RAB2A: variants seen among roughly 807,000 people sequenced by gnomAD.
RAB2A encodes the protein ras-related protein Rab-2A.
RAB2A carries 7 observed loss-of-function variants against 32.5 expected under a neutral mutation model. That is an observed-to-expected ratio of 0.22 (90% CI 0.12 to 0.40). The LOEUF is 0.40. Among genes scored for constraint, RAB2A ranks in the 10% least tolerant of loss-of-function variants. The probability of loss-of-function intolerance (pLI) is 1.00; values close to 1 mark genes in which losing one functional copy is unlikely to be tolerated. For missense variants in RAB2A, 108 were observed against 260.7 expected (o/e 0.41, Z 4.03); for synonymous variants, 79 against 85.2 (o/e 0.93, Z 0.40).
chr8:60,519,211 G>T (rs927718987), intron 1 of RAB2A, among the ~76,000 whole-genome samples: 1 of 152,184 alleles, frequency 6.6e-6, no homozygotes, highest in African/African-American at 2.4e-5. Context: ...TTTACTGTCA[G>T]TTTAGTCATC....
chr8:60,532,529 A>G (rs1312016945), intron 1 of RAB2A, among the ~76,000 whole-genome samples: 2 of 151,702 alleles, frequency 1.3e-5, no homozygotes, highest in African/African-American at 4.8e-5. Flanking sequence ...TTTTTTTTCC[A>G]AGATGAAGTC....
intron 1 of RAB2A, among the ~76,000 whole-genome samples, chr8:60,520,879 C>T (rs1807291918): frequency 6.6e-6 from 1 of 152,206 alleles, no homozygotes; most frequent in African/African-American, 2.4e-5. Context: ...GTGGCACTAT[C>T]ACGGCTCACT....
intron 6 of RAB2A, among the ~76,000 whole-genome samples, chr8:60,598,425 C>T (rs1016693197): frequency 5.3e-5 from 8 of 152,070 alleles, no homozygotes; most frequent in African/African-American, 1.9e-4. Context: ...ACACTAAAAC[C>T]AAAGACAATA....
chr8:60,523,218 C>T (rs1329304978), intron 1 of RAB2A, among the ~76,000 whole-genome samples: 3 of 150,972 alleles, frequency 2.0e-5, no homozygotes, highest in Non-Finnish European at 4.4e-5. Flanking sequence ...AGTGCAGTGG[C>T]GCAATCTCAG....
chr8:60,537,829 C>T (rs572237334), intron 1 of RAB2A, among the ~76,000 whole-genome samples: 2 of 152,050 alleles, frequency 1.3e-5, no homozygotes, highest in African/African-American at 2.4e-5. Context: ...TGCAGGTGCA[C>T]ACAACCATGG....
chr8:60,524,726 C>G (rs1478001085), intron 1 of RAB2A, among the ~76,000 whole-genome samples: 1 of 152,150 alleles, frequency 6.6e-6, no homozygotes, highest in Non-Finnish European at 1.5e-5. Flanking sequence ...CCGGGGAGTC[C>G]CAGACATCAG....
chr8:60,555,668 CTTAG>C (rs1807927296), intron 1 of RAB2A, among the ~76,000 whole-genome samples: 1 of 152,076 alleles, frequency 6.6e-6, no homozygotes. Context: ...AACATCTCAT[CTTAG>C]TTAGAATGGC....
At chr8:60,537,164 A>G (rs1392188796) in intron 1 of RAB2A, among the ~76,000 whole-genome samples, 1 of 152,196 alleles carries the variant, frequency 6.6e-6, no homozygotes, top group Admixed American at 6.5e-5. Context: ...GTAAATGCAT[A>G]TATATCTCTA....
chr8:60,615,897 A>G (rs1804440388), intron 6 of RAB2A, among the ~76,000 whole-genome samples: 1 of 152,140 alleles, frequency 6.6e-6, no homozygotes, highest in African/African-American at 2.4e-5. Context: ...ACTTAGTAAT[A>G]TATATTAAAT....
intron 6 of RAB2A, among the ~76,000 whole-genome samples, chr8:60,604,717 T>C (rs1239225615): frequency 6.6e-6 from 1 of 152,032 alleles, no homozygotes; most frequent in Non-Finnish European, 1.5e-5. Context: ...GGCGGAAAAA[T>C]TATCTAAGCG....
chr8:60,530,005 C>T (rs915463494), intron 1 of RAB2A, among the ~76,000 whole-genome samples: 10 of 152,132 alleles, frequency 6.6e-5, no homozygotes, highest in Non-Finnish European at 1.2e-4. Context: ...GGGTCTTGCT[C>T]TGTCACCCAG....
intron 6 of RAB2A, among the ~76,000 whole-genome samples, chr8:60,604,600 G>A (rs1021020322): frequency 2.0e-5 from 3 of 152,184 alleles, no homozygotes; most frequent in African/African-American, 7.2e-5. Context: ...GGGGACTGGA[G>A]CAAAGGTCAC....
chr8:60,590,498 C>T (rs1376556883), intron 5 of RAB2A, among the ~76,000 whole-genome samples: 1 of 146,362 alleles, frequency 6.8e-6, no homozygotes, highest in African/African-American at 2.5e-5. Flanking sequence ...AAAAAACTGC[C>T]CTGGAAAAGC....
chr8:60,595,766 G>A (rs1300839046), intron 6 of RAB2A, among the ~76,000 whole-genome samples: 1 of 152,150 alleles, frequency 6.6e-6, no homozygotes, highest in African/African-American at 2.4e-5. Flanking sequence ...TCACAATTAC[G>A]GTTGGAGACT....
At chr8:60,601,412 G>A (rs1032048904) in intron 6 of RAB2A, among the ~76,000 whole-genome samples, 1 of 151,604 alleles carries the variant, frequency 6.6e-6, no homozygotes, top group African/African-American at 2.4e-5. Context: ...ATCTCAACTC[G>A]CTGCAACCTT....
At chr8:60,598,756 G>C (rs1453285485) in intron 6 of RAB2A, among the ~76,000 whole-genome samples, 1 of 149,984 alleles carries the variant, frequency 6.7e-6, no homozygotes, top group East Asian at 1.9e-4. Flanking sequence ...TAGGAATTGA[G>C]GAGGACTTCC....
At chr8:60,544,481 C>T (rs1807696918) in intron 1 of RAB2A, among the ~76,000 whole-genome samples, 1 of 151,354 alleles carries the variant, frequency 6.6e-6, no homozygotes, top group African/African-American at 2.4e-5. Context: ...TTGCAAAATG[C>T]TACTACATTT....
intron 1 of RAB2A, among the ~76,000 whole-genome samples, chr8:60,547,648 G>A (rs1355266508): frequency 2.0e-5 from 2 of 97,908 alleles, no homozygotes; most frequent in African/African-American, 3.8e-5. Context: ...CTGGCCAGGC[G>A]GGGGGCTGAC....
At chr8:60,612,838 G>A (rs1340319244) in intron 6 of RAB2A, among the ~76,000 whole-genome samples, 2 of 152,158 alleles carry the variant, frequency 1.3e-5, no homozygotes, top group African/African-American at 4.8e-5. Context: ...AGAAAGAGGC[G>A]GGGAAGAGGC....
Sources: gnomAD v4.1 joint callset for allele counts (sites outside exome capture counted in the v4.1 genomes callset) on GRCh38, gnomAD v4.1.1 for gene constraint, MANE v1.5 for transcripts, NCBI Gene and HGNC (gene_info 2026-07-23, HGNC 2026-07-21) for gene names.